Variants in SFI1 observed in about 807,000 individuals in gnomAD.
The protein encoded by SFI1 is protein SFI1 homolog.
In SFI1, 195 loss-of-function variants were observed where a neutral mutation model predicts 207.5. The ratio of observed to expected loss-of-function variants is 0.94; its 90% CI spans 0.84 to 1.06. SFI1 has a LOEUF of 1.06. Ranked by LOEUF, SFI1 falls within the 50% of genes least tolerant of loss-of-function variation. The probability of loss-of-function intolerance (pLI) is 0.00; values close to 1 mark genes in which losing one functional copy is unlikely to be tolerated. For missense variants in SFI1, 1,634 were observed against 1,588.0 expected, an observed-to-expected ratio of 1.03 and a Z score of -0.49; for synonymous variants, 630 against 598.9, an observed-to-expected ratio of 1.05 and a Z score of -0.76.
intron 18 of SFI1, 40 bp downstream of exon 18, chr22:31,603,859 T>C (rs781006065): frequency 3.2e-6 from 5 of 1,557,522 alleles, no homozygotes; most frequent in Middle Eastern, 1.7e-4. Flanking sequence ...GTATGACTTT[T>C]GGACAGGTGG....
At chr22:31,602,817 C>G in intron 17 of SFI1, 32 bp downstream of exon 17, 1 of 1,600,848 alleles carries the variant, frequency 6.2e-7, no homozygotes, top group South Asian at 1.1e-5. Flanking sequence ...ACAAGCCTTT[C>G]CATCACAGGC....
In SFI1 at chr22:31,613,440, GCTC is replaced by G; in HGVS notation, c.2657_2659del (p.Leu886del). 2 of 1,608,462 alleles carry G rather than the reference GCTC, an allele frequency of 1.2e-6. No homozygotes were observed. Among genetic ancestry groups the G allele is most frequent in the Middle Eastern group, 1.7e-4 (1 of 6,010 alleles). On this transcript the variant is annotated inframe_deletion, in exon 26 of 33. Transcript: ENST00000400288. ...GGGCGCTCCAGGCCTACCAGGGGCA[GCTC>G]CTCCAGGAGGGTGCCACGCGGCTCC...
intron 15 of SFI1, among the ~76,000 whole-genome samples, chr22:31,591,422 C>T (rs371049235): frequency 5.9e-5 from 9 of 152,226 alleles, no homozygotes; most frequent in Non-Finnish European, 1.0e-4. Flanking sequence ...CCACCTTTCC[C>T]GCCCTTCCAT....
intron 7 of SFI1, among the ~76,000 whole-genome samples, chr22:31,558,653 A>AT (rs1375826654): frequency 6.6e-6 from 1 of 151,448 alleles, no homozygotes; most frequent in Non-Finnish European, 1.5e-5. Context: ...AATTTTTTGT[A>AT]TTTTTACTAG....
intron 4 of SFI1, among the ~76,000 whole-genome samples, chr22:31,532,230 A>G (rs960813306): frequency 6.6e-6 from 1 of 152,116 alleles, no homozygotes; most frequent in Admixed American, 6.6e-5. Context: ...AACCTGGGGG[A>G]AAAAATTGGC....
intron 4 of SFI1, 61 bp from the exon 5 acceptor site, chr22:31,546,800 T>A: frequency 8.6e-7 from 1 of 1,165,260 alleles, no homozygotes; most frequent in African/African-American, 1.5e-5. Flanking sequence ...AATATGTGAT[T>A]TGGGAAGAGA....
At position 31,585,087 on chromosome 22, in the gene SFI1, T is replaced by C. The variant is rs1056267326; in HGVS notation, c.1366T>C (p.Cys456Arg). Residue 456 changes from cysteine (C) to arginine (R), a missense_variant, in exon 14 of 33, where the codon TGT (cysteine) becomes CGT (arginine). Physicochemically the swap from Cys to Arg is radical, Grantham distance 180. Transcript: ENST00000400288. Reference protein sequence around the residue: ...DHYRIALLCKCIELWLQYTQK... With the variant: ...DHYRIALLCKRIELWLQYTQK... The stretch of plus-strand genomic sequence containing the variant: ...TTTCAGAATAGCACTGCTGTGCAAA[T>C]GTATCGAATTGTGGCTACAGTATAC... 6.2e-7 allele frequency: 1 copy of C among 1,614,130 alleles called. No homozygotes were observed. Among genetic ancestry groups the C allele is most frequent in the Admixed American group, 1.7e-5 (1 of 60,008 alleles).
At chr22:31,570,063 G>T (rs1356471140) in intron 8 of SFI1, among the ~76,000 whole-genome samples, 2 of 151,964 alleles carry the variant, frequency 1.3e-5, no homozygotes, top group Non-Finnish European at 2.9e-5. Flanking sequence ...GCTGCAGTGA[G>T]CCGTATTCTT....
At position 31,531,080 on chromosome 22, in the gene SFI1, T is replaced by C. The variant is rs747112860; in HGVS notation, c.289T>C (p.Tyr97His). The change falls in exon 4 of 33, where the codon TAT (tyrosine) becomes CAT (histidine). Residue 97 changes from tyrosine to histidine, a missense_variant. Transcript: ENST00000400288. ...CAGATGCGTGGCCAGAAAGTTCTTATATTTATGGATTCGAATGACTTTTGG... is the reference window on the plus strand; with the variant it reads ...CAGATGCGTGGCCAGAAAGTTCTTACATTTATGGATTCGAATGACTTTTGG... ...RIRCVARKFLYLWIRMTFGRV... is the reference protein window; with the variant it reads ...RIRCVARKFLHLWIRMTFGRV... 1.2e-6 allele frequency: 2 copies of C among 1,613,530 alleles called. No homozygotes were observed. Among genetic ancestry groups the C allele is most frequent in the Non-Finnish European group, 8.5e-7 (1 of 1,179,844 alleles).
In SFI1 at chr22:31,573,039, C is replaced by G; in HGVS notation, c.766-19C>G. On this transcript the variant is annotated intron_variant, in intron 8 of 32. Transcript: ENST00000400288. Reference sequence around the variant, plus strand: ...TTTCCTGCCTCTCCTTTGACTGTTGCCTCTTCTCTGGTTTTCAGGCTTGGT... The same window carrying G: ...TTTCCTGCCTCTCCTTTGACTGTTGGCTCTTCTCTGGTTTTCAGGCTTGGT... 1 of 1,611,488 alleles carries G rather than the reference C, an allele frequency of 6.2e-7. No homozygotes were observed. The highest frequency in any genetic ancestry group is 8.5e-7 in the Non-Finnish European group (1 of 1,178,422).
chr22:31,508,320 C>T lies in SFI1; in HGVS notation c.36C>T (p.Ser12=). ...TGCTCACTGAGAAGTGTATATCAAG[C>T]CACAATTTCCATCAAAAAGTGATTA... ...KNLLTEKCIS[S]HNFHQKVIKQ... Residue 12 remains serine, a synonymous_variant, in exon 2 of 33, where the codon AGC becomes AGT. Coordinates refer to ENST00000400288, the MANE Select transcript of SFI1 (RefSeq NM_001007467.3). 2 of 1,612,894 alleles carry T rather than the reference C, an allele frequency of 1.2e-6. No individual in the cohort carries two copies. Among genetic ancestry groups the T allele is most frequent in the Non-Finnish European group, 1.7e-6 (2 of 1,179,492 alleles).
At chr22:31,613,061 G>C in intron 24 of SFI1, 81 bp from the exon 25 acceptor site, 1 of 1,478,326 alleles carries the variant, frequency 6.8e-7, no homozygotes, top group Non-Finnish European at 9.2e-7. Context: ...AGCCAAGAGG[G>C]ACGAGCTGGG....
intron 4 of SFI1, among the ~76,000 whole-genome samples, chr22:31,543,949 G>A (rs561469775): frequency 6.6e-5 from 10 of 152,264 alleles, no homozygotes; most frequent in African/African-American, 2.4e-4. Flanking sequence ...AGCACTTTGG[G>A]AGGCCAAGGT....
chr22:31,563,068 A>G (rs918710736), intron 8 of SFI1, among the ~76,000 whole-genome samples: 6 of 151,332 alleles, frequency 4.0e-5, no homozygotes, highest in African/African-American at 1.5e-4. Context: ...ATCTTGCCTC[A>G]CTGCAACCTC....
chr22:31,609,187 A>G (rs1044435413), intron 22 of SFI1, among the ~76,000 whole-genome samples: 4 of 152,002 alleles, frequency 2.6e-5, no homozygotes, highest in Non-Finnish European at 5.9e-5. Flanking sequence ...CTTAGTAGAG[A>G]CAGGATTTCA....
At chr22:31,519,628 G>A (rs781657406) in intron 2 of SFI1, among the ~76,000 whole-genome samples, 40 of 152,124 alleles carry the variant, frequency 2.6e-4, no homozygotes, top group Non-Finnish European at 5.3e-4. Context: ...AGTAGAGACA[G>A]GGTTTCACCA....
intron 15 of SFI1, among the ~76,000 whole-genome samples, chr22:31,595,685 AG>A (rs1302655606): frequency 6.6e-6 from 1 of 152,208 alleles, no homozygotes; most frequent in Non-Finnish European, 1.5e-5. Flanking sequence ...GCTCAGAGCT[AG>A]TGCTGAGGGA....
chr22:31,593,564 CAG>C (rs1159014638), intron 15 of SFI1, among the ~76,000 whole-genome samples: 6 of 120,622 alleles, frequency 5.0e-5, no homozygotes, highest in African/African-American at 1.9e-4. Context: ...GGCGGCCAGG[CAG>C]AGACACTCCT....
intron 15 of SFI1, among the ~76,000 whole-genome samples, chr22:31,595,967 T>A (rs1443560933): frequency 6.6e-6 from 1 of 152,094 alleles, no homozygotes; most frequent in Non-Finnish European, 1.5e-5. Flanking sequence ...TCTGGAGGAT[T>A]TCAGGCCAGG....
Sources: gnomAD v4.1 joint callset for allele counts (sites outside exome capture counted in the v4.1 genomes callset) on GRCh38, gnomAD v4.1.1 for gene constraint, MANE v1.5 for transcripts, NCBI Gene and HGNC (gene_info 2026-07-23, HGNC 2026-07-21) for gene names.